The following DMRTC2 variants were observed in gnomAD, a reference collection of about 807,000 sequenced individuals.
DMRTC2 encodes doublesex- and mab-3-related transcription factor C2.
A neutral mutation model predicts 39.9 loss-of-function variants in DMRTC2; 13 were observed. That is an observed-to-expected ratio of 0.33 (90% CI 0.21 to 0.52). DMRTC2 has a LOEUF of 0.52. Ranked by LOEUF, DMRTC2 falls within the 20% of genes least tolerant of loss-of-function variation. The pLI is 0.96. For synonymous variants in DMRTC2, 189 were observed against 185.2 expected (o/e 1.02, Z -0.17); for missense variants, 431 against 472.8 (o/e 0.91, Z 0.82).
In DMRTC2 at chr19:41,847,626, C is replaced by T. The variant is rs369030903; in HGVS notation, c.198C>T (p.Cys66=). 8 of 1,614,170 alleles carry T rather than the reference C, an allele frequency of 5.0e-6. No homozygotes were observed. The African/African-American group carries it at 8.0e-5, about 16-fold the overall frequency. Residue 66 remains cysteine (C), a synonymous_variant, in exon 2 of 9, where the codon TGC becomes TGT. Coordinates refer to ENST00000269945, the MANE Select transcript of DMRTC2 (RefSeq NM_001040283.3). ...GHKRLCLFQA[C]ECHKCVLILE... is the part of the protein sequence containing the mutation. ...AGCGCCTCTGCCTCTTCCAGGCTTG[C>T]GAGTGTCACAAATGTGTCCTCATCC...
rs566634270 is a variant in DMRTC2, at chr19:41,851,470, T to G, written c.992-114T>G. 5 of 866,226 alleles carry G rather than the reference T, an allele frequency of 5.8e-6. No individual in the cohort carries two copies. In the East Asian group the frequency reaches 1.4e-4, roughly 24 times the overall value. 53.7% of individuals were successfully genotyped at this position (866,226 alleles called of 1,614,324 possible). On this transcript the variant is annotated intron_variant, in intron 8 of 8. Transcript: ENST00000269945. ...GTGGGAAAATTAGCAAGGAGGTCTG[T>G]GAAATAATCCAGGAGAACAATGATG...
At chr19:41,846,631 G>A (rs561124195) in intron 1 of DMRTC2, among the ~76,000 whole-genome samples, 14 of 152,094 alleles carry the variant, frequency 9.2e-5, no homozygotes, top group Admixed American at 5.2e-4. Context: ...GCAGTGGCGC[G>A]ATCATGGCTC....
Position 41,847,763 on chromosome 19 carries a change from G to C in DMRTC2, c.252G>C (p.Gln84His). 1 of 1,614,020 alleles carries C rather than the reference G, an allele frequency of 6.2e-7. No individual in the cohort carries two copies. Among genetic ancestry groups the C allele is most frequent in the Non-Finnish European group, 8.5e-7 (1 of 1,179,936 alleles). ...ILERRRVMAAQVALRRQQEAQ... is the reference protein window; with the variant it reads ...ILERRRVMAAHVALRRQQEAQ... The stretch of plus-strand genomic sequence containing the variant: ...AGCGCCGCAGGGTCATGGCTGCCCA[G>C]GTGGCCTTGCGTAGGCAGCAGGAGG... Residue 84 changes from glutamine (Q) to histidine (H), a missense_variant, in exon 3 of 9, where the codon CAG becomes CAC. Transcript: ENST00000269945.
chr19:41,851,628 C>G lies in DMRTC2; in HGVS notation c.1036C>G (p.Arg346Gly). The change falls in exon 9 of 9, where the codon CGA becomes GGA. Residue 346 changes from arginine (R) to glycine (G), a missense_variant. Transcript: ENST00000269945. ...ATTCCAGCCTGTTGGCCCCTGTCTT[C>G]GACCCAGCCCAGCCCCCTCTGTTGC... ...RGFQPVGPCL[R>G]PSPAPSVALH... The G allele has an allele frequency of 6.2e-7, 1 of 1,614,194 alleles. No individual in the cohort carries two copies. The highest frequency in any genetic ancestry group is 8.5e-7 in the Non-Finnish European group (1 of 1,180,038).
At chr19:41,849,318 G>A (rs2073920463) in intron 6 of DMRTC2, 62 bp downstream of exon 6, 3 of 1,584,250 alleles carry the variant, frequency 1.9e-6, no homozygotes, top group Admixed American at 1.8e-5. Context: ...CAACCACAGT[G>A]CTGGTGTCCA....
At position 41,849,115 on chromosome 19, in the gene DMRTC2, T is replaced by G. The variant is rs371216175; in HGVS notation, c.629-15T>G. The G allele has an allele frequency of 6.8e-5, 110 of 1,614,132 alleles. 2 individuals carry two copies. The East Asian group carries it at 2.2e-3, about 33-fold the overall frequency. ...CTTGGCCCCTATACACTCTGCATTC[T>G]TTTATTCTTATTAGGCTTTGACCCT... is the stretch of plus-strand genomic sequence containing the variant. On this transcript the variant is annotated splice_polypyrimidine_tract_variant and intron_variant, in intron 5 of 8. Transcript: ENST00000269945.
chr19:41,845,928 C>T (rs1305043703), intron 1 of DMRTC2, among the ~76,000 whole-genome samples: 2 of 152,020 alleles, frequency 1.3e-5, no homozygotes, highest in African/African-American at 4.8e-5. Flanking sequence ...AGGAGGATTG[C>T]TTGAGCTCAG....
intron 3 of DMRTC2, 47 bp from the exon 4 acceptor site, chr19:41,848,404 AG>A (rs2073899597): frequency 8.0e-6 from 12 of 1,507,050 alleles, no homozygotes; most frequent in Non-Finnish European, 1.1e-5. Context: ...GGGGTAGGAT[AG>A]GGGTCAGGAG....
chr19:41,848,677 AG>A, intron 4 of DMRTC2, 117 bp from the exon 5 acceptor site: 9 of 1,538,588 alleles, frequency 5.8e-6, no homozygotes, highest in Non-Finnish European at 8.0e-6. Context: ...AGGCAAAATG[AG>A]GGGAAAACGA....
intron 6 of DMRTC2, among the ~76,000 whole-genome samples, chr19:41,849,623 GC>G (rs1217138735): frequency 1.3e-5 from 2 of 152,198 alleles, no homozygotes; most frequent in East Asian, 3.9e-4. Context: ...GATGATGAGA[GC>G]CTCAGAGACC....
At chr19:41,851,502 G>C in intron 8 of DMRTC2, 82 bp from the exon 9 acceptor site, 1 of 1,173,120 alleles carries the variant, frequency 8.5e-7, no homozygotes, top group Non-Finnish European at 1.2e-6. Context: ...GATGAGGCCT[G>C]GATTGGATTC....
chr19:41,850,468 C>T, intron 7 of DMRTC2, 58 bp from the exon 8 acceptor site: 1 of 1,585,830 alleles, frequency 6.3e-7, no homozygotes, highest in South Asian at 1.1e-5. Context: ...CTGAGGAACA[C>T]TTAGAGGGTG....
intron 3 of DMRTC2, among the ~76,000 whole-genome samples, chr19:41,848,111 G>A (rs576619276): frequency 2.0e-5 from 3 of 152,222 alleles, no homozygotes; most frequent in Non-Finnish European, 4.4e-5. Context: ...ACTTTGGGAG[G>A]CTGAGGCAGG....
In DMRTC2 at chr19:41,848,834, G is replaced by A. The variant is rs782743876; in HGVS notation, c.487G>A (p.Ala163Thr). The change falls in exon 5 of 9, where the codon GCC becomes ACC. Residue 163 changes from alanine (A) to threonine (T), a missense_variant. Coordinates refer to ENST00000269945, the MANE Select transcript of DMRTC2 (RefSeq NM_001040283.3). ...TCTGCTGCTCAGCCATCCCCCGGAA[G>A]CCTCGCCCTTGTCCTGGACTCCGGT... ...GPLLLSHPPE[A>T]SPLSWTPVPP... 1.2e-6 allele frequency: 2 copies of A among 1,610,748 alleles called. No homozygotes were observed. Among genetic ancestry groups the A allele is most frequent in the Admixed American group, 1.7e-5 (1 of 60,020 alleles).
rs139100016 is a variant in DMRTC2, at chr19:41,847,315, C to A, written c.-4-110C>A. ...GCTGGGAAAGAAGCCAGAATCAGGG[C>A]GGGGTCTAAAGAGGGGCAGGATGGA... On this transcript the variant is annotated intron_variant, in intron 1 of 8. Transcript: ENST00000269945. 45 of 1,421,496 alleles carry A rather than the reference C, an allele frequency of 3.2e-5. No homozygotes were observed. The Middle Eastern group carries it at 1.6e-3, about 51-fold the overall frequency. 88.1% of individuals were successfully genotyped at this position (1,421,496 alleles called of 1,614,324 possible). A position where few individuals can be genotyped will look rare whatever the true frequency, so the allele number is the denominator to read the frequency against.
At chr19:41,850,792 A>G (rs2073944860) in intron 8 of DMRTC2, 92 bp downstream of exon 8, 20 of 1,360,158 alleles carry the variant, frequency 1.5e-5, no homozygotes, top group Middle Eastern at 1.9e-4. Context: ...GAGGGGGTCG[A>G]CAGGTTGAAC....
Position 41,848,863 on chromosome 19 carries a change from T to C in DMRTC2, c.516T>C (p.Pro172=). The C allele has an allele frequency of 6.2e-7, 1 of 1,612,642 alleles. No homozygotes were observed. Among genetic ancestry groups the C allele is most frequent in the Non-Finnish European group, 8.5e-7 (1 of 1,180,026 alleles). ...EASPLSWTPV[P]PGPWVPGHWL... ...CGCCCTTGTCCTGGACTCCGGTGCC[T>C]CCTGGCCCTTGGGTCCCTGGACACT... The change falls in exon 5 of 9, where the codon CCT becomes CCC. Residue 172 remains proline (P), a synonymous_variant. Transcript: ENST00000269945.
chr19:41,848,759 G>C, intron 4 of DMRTC2, 36 bp from the exon 5 acceptor site: 1 of 1,606,280 alleles, frequency 6.2e-7, no homozygotes, highest in Non-Finnish European at 8.5e-7. Context: ...TTCCAGCCTT[G>C]TACCCAACTC....
Position 41,850,821 on chromosome 19 carries a change from C to G in DMRTC2, c.991+121C>G, listed in dbSNP as rs1371096738. 2.8e-6 allele frequency: 3 copies of G among 1,055,260 alleles called. No homozygotes were observed. The East Asian group carries it at 8.9e-5, about 31-fold the overall frequency. 65.4% of individuals were successfully genotyped at this position (1,055,260 alleles called of 1,614,324 possible). Reference sequence around the variant, plus strand: ...GTTGAACGTCTTCAGGCCCAGGACCCCAAGCTCCTCAGCCTGGCCCCTGGG... The same window carrying G: ...GTTGAACGTCTTCAGGCCCAGGACCGCAAGCTCCTCAGCCTGGCCCCTGGG... On this transcript the variant is annotated intron_variant, in intron 8 of 8. Transcript: ENST00000269945.
Sources: allele counts gnomAD v4.1 joint callset (sites outside exome capture counted in the v4.1 genomes callset), GRCh38; gene constraint gnomAD v4.1.1; transcripts MANE v1.5; gene names NCBI Gene and HGNC (gene_info 2026-07-23, HGNC 2026-07-21).